ASH1L: variants seen among roughly 807,000 people sequenced by gnomAD.
ASH1L encodes histone-lysine N-methyltransferase ASH1L.
Under a neutral mutation model 269.0 loss-of-function variants are expected in ASH1L, and 23 were observed. The observed-to-expected ratio is 0.09, with a 90% CI of 0.06 to 0.12. The LOEUF (loss-of-function observed/expected upper bound fraction) is 0.12. ASH1L is among the 10% of genes least tolerant of loss of function. The probability of loss-of-function intolerance (pLI) is 1.00; values close to 1 mark genes in which losing one functional copy is unlikely to be tolerated. For synonymous variants in ASH1L, 1,187 were observed against 1,253.5 expected, an observed-to-expected ratio of 0.95 and a Z score of 1.12; for missense variants, 2,912 against 3,567.8, an observed-to-expected ratio of 0.82 and a Z score of 4.68.
intron 8 of ASH1L, among the ~76,000 whole-genome samples, 161 bp downstream of exon 8, chr1:155,379,882 G>T (rs1656788605): frequency 6.6e-6 from 1 of 152,164 alleles, no homozygotes; most frequent in Admixed American, 6.5e-5. Flanking sequence ...TCACATTAAA[G>T]ATGGATGCAA....
At chr1:155,546,486 C>T (rs567015673) in intron 1 of ASH1L, among the ~76,000 whole-genome samples, 3 of 152,000 alleles carry the variant, frequency 2.0e-5, no homozygotes, top group East Asian at 1.9e-4. Flanking sequence ...CTGGGTTGGG[C>T]GCGGTGGCTC....
chr1:155,472,538 CCTT>C (rs1284109109), intron 3 of ASH1L, among the ~76,000 whole-genome samples: 1 of 152,166 alleles, frequency 6.6e-6, no homozygotes, highest in African/African-American at 2.4e-5. Context: ...TTTATAATCT[CCTT>C]CTCATGACTC....
At chr1:155,540,477 A>G (rs1163752134) in intron 1 of ASH1L, among the ~76,000 whole-genome samples, 1 of 152,188 alleles carries the variant, frequency 6.6e-6, no homozygotes, top group Non-Finnish European at 1.5e-5. Context: ...ACCAAAAAAA[A>G]GCAAGCACTC....
chr1:155,471,153 T>C (rs989618579), intron 3 of ASH1L, among the ~76,000 whole-genome samples: 1 of 152,172 alleles, frequency 6.6e-6, no homozygotes, highest in African/African-American at 2.4e-5. Flanking sequence ...TCAACAGTAA[T>C]TGTGAAGAAG....
chr1:155,481,153 CA>C lies in ASH1L; in HGVS notation c.1716del (p.Glu573LysfsTer13). The C allele has an allele frequency of 6.2e-7, 1 of 1,614,014 alleles. No individual in the cohort carries two copies. The highest frequency in any genetic ancestry group is 1.3e-5 in the African/African-American group (1 of 75,026). ...VSVNPLTRSPPETSSQLAPNP... is the reference protein window; with the variant it reads ...VSVNPLTRSPXETSSQLAPNP... ...TTAGGAGCCAACTGTGAAGAAGTTT[CA>C]GGGGGACTTCTGGTTAAAGGATTAA... On this transcript the variant is annotated frameshift_variant, in exon 3 of 28. Transcript: ENST00000392403. LOFTEE classifies it high-confidence loss of function.
chr1:155,362,191 C>G (rs1038192776), intron 12 of ASH1L, among the ~76,000 whole-genome samples: 1 of 151,890 alleles, frequency 6.6e-6, no homozygotes, highest in Non-Finnish European at 1.5e-5. Flanking sequence ...CGTGCCACCA[C>G]GCCCAGCTAC....
chr1:155,428,503 G>A lies in ASH1L; in HGVS notation c.5828+9824C>T, dbSNP rs1661347122. Reference sequence around the variant, plus strand: ...GCCCCCCAAAATCTGGCCATAAACTGGCCCCAAAACTGGCCATAAACAAAA... The same window carrying A: ...GCCCCCCAAAATCTGGCCATAAACTAGCCCCAAAACTGGCCATAAACAAAA... On this transcript the variant is annotated intron_variant, in intron 5 of 27. Transcript: ENST00000392403. Among the ~76,000 whole-genome samples the A allele has an allele frequency of 2.0e-5, 3 of 151,638 alleles. No homozygotes were observed. In the South Asian group the frequency reaches 6.2e-4, roughly 32 times the overall value.
intron 6 of ASH1L, among the ~76,000 whole-genome samples, chr1:155,410,594 C>A (rs1659680370): frequency 6.6e-6 from 1 of 152,190 alleles, no homozygotes; most frequent in South Asian, 2.1e-4. Context: ...CCAGCTCCAG[C>A]CGCCTAAAGT....
At chr1:155,421,496 C>T (rs1178895447) in intron 5 of ASH1L, among the ~76,000 whole-genome samples, 5 of 151,346 alleles carry the variant, frequency 3.3e-5, no homozygotes, top group Non-Finnish European at 4.4e-5. Context: ...CACGGTGAAA[C>T]CCCGTCTCTT....
intron 1 of ASH1L, among the ~76,000 whole-genome samples, chr1:155,535,605 C>T (rs1669998740): frequency 6.7e-6 from 1 of 149,914 alleles, no homozygotes; most frequent in Non-Finnish European, 1.5e-5. Flanking sequence ...AAGAAAATAT[C>T]ACTGCATTTC....
In ASH1L at chr1:155,337,486, T is replaced by G; in HGVS notation, c.*174A>C. The G allele has an allele frequency of 1.7e-6, 1 of 605,338 alleles. No homozygotes were observed. The highest frequency in any genetic ancestry group is 2.8e-5 in the East Asian group (1 of 36,186). The allele number at this position is 605,338 out of a possible 1,614,324, so 37.5% of individuals were successfully genotyped here. A position where few individuals can be genotyped will look rare whatever the true frequency, so the allele number is the denominator to read the frequency against. ...CTGAACTGTCTTGGACAGAACCCTT[T>G]CCTCTCCCTCTCCACTAGCTCCAAG... On this transcript the variant is annotated 3_prime_UTR_variant, in exon 28 of 28. Coordinates refer to ENST00000392403, the MANE Select transcript of ASH1L (RefSeq NM_018489.3).
upstream of ASH1L, chr1:155,562,944 C>G (rs958363129): frequency 1.8e-5 from 8 of 451,212 alleles, no homozygotes; most frequent in Non-Finnish European, 3.5e-5. Context: ...CTCCCACAAT[C>G]CCCCCCGCGG....
intron 2 of ASH1L, among the ~76,000 whole-genome samples, chr1:155,510,411 CAAAAAAAAAAAAAA>C: frequency 2.4e-5 from 1 of 40,950 alleles, no homozygotes; most frequent in Non-Finnish European, 5.8e-5. Flanking sequence ...AAGGCTGCCT[CAAAAAAAAAAAAAA>C]AAAAAAAAAA....
intron 12 of ASH1L, among the ~76,000 whole-genome samples, chr1:155,365,620 A>T (rs11264366): frequency 0.32 from 48,342 of 151,932 alleles, 8,192 homozygotes; most frequent in East Asian, 0.72. Context: ...TGGAAACCAG[A>T]TGATACAATT....
chr1:155,469,984 C>T (rs1664976453), intron 3 of ASH1L, among the ~76,000 whole-genome samples: 1 of 152,184 alleles, frequency 6.6e-6, no homozygotes. Flanking sequence ...AAACCATTAA[C>T]ACTTAACTAA....
chr1:155,513,380 G>A (rs185493513), intron 2 of ASH1L, among the ~76,000 whole-genome samples: 180 of 151,924 alleles, frequency 1.2e-3, no homozygotes, highest in African/African-American at 4.2e-3. Context: ...GATCAGCCTG[G>A]GCAACATGGT....
chr1:155,549,113 TG>T (rs1671023680), intron 1 of ASH1L, among the ~76,000 whole-genome samples: 1 of 152,146 alleles, frequency 6.6e-6, no homozygotes, highest in Non-Finnish European at 1.5e-5. Flanking sequence ...AATCCAGAGA[TG>T]ATTTAGAGTA....
Position 155,562,484 on chromosome 1 carries a change from A to T in ASH1L, c.-431T>A. 2 of 1,470,266 alleles carry T rather than the reference A, an allele frequency of 1.4e-6. No individual in the cohort carries two copies. The highest frequency in any genetic ancestry group is 1.4e-5 in the African/African-American group (1 of 71,580). The allele number at this position is 1,470,266 out of a possible 1,614,324, so 91.1% of individuals were successfully genotyped here. A position where few individuals can be genotyped will look rare whatever the true frequency, so the allele number is the denominator to read the frequency against. On this transcript the variant is annotated 5_prime_UTR_variant, in exon 1 of 28. Transcript: ENST00000392403. ...CGGCGGTGGCGGCGGCAGCTCCTCC[A>T]GAGGGAGGGAGCGAAGGGCGCCTAG...
intron 13 of ASH1L, among the ~76,000 whole-genome samples, chr1:155,359,505 G>A (rs1235399597): frequency 6.6e-6 from 1 of 152,092 alleles, no homozygotes; most frequent in Admixed American, 6.6e-5. Flanking sequence ...TCGAACTCCC[G>A]ACCTTGTGAT....
Sources: allele counts gnomAD v4.1 joint callset (sites outside exome capture counted in the v4.1 genomes callset), GRCh38; gene constraint gnomAD v4.1.1; transcripts MANE v1.5; gene names NCBI Gene and HGNC (gene_info 2026-07-23, HGNC 2026-07-21).